Variants in CHP1 observed in about 807,000 individuals in gnomAD.
CHP1 encodes calcineurin like EF-hand protein 1, also known as calcineurin B homologous protein 1.
A neutral mutation model predicts 27.4 loss-of-function variants in CHP1; 11 were observed. The observed-to-expected ratio is 0.40, with a 90% confidence interval of 0.25 to 0.67. CHP1 has a LOEUF of 0.67. Among genes scored for constraint, CHP1 ranks in the 30% least tolerant of loss-of-function variants. The pLI is 0.38. For synonymous variants in CHP1, 89 were observed against 87.4 expected (o/e 1.02, Z -0.10); for missense variants, 169 against 251.3 (o/e 0.67, Z 2.22).
chr15:41,244,579 A>G (rs1202881647), intron 2 of CHP1, among the ~76,000 whole-genome samples: 1 of 152,166 alleles, frequency 6.6e-6, no homozygotes, highest in Non-Finnish European at 1.5e-5. Flanking sequence ...AATTGCCATG[A>G]CTGGAGAATG....
chr15:41,237,087 T>C (rs2047280933), intron 1 of CHP1, among the ~76,000 whole-genome samples: 1 of 151,660 alleles, frequency 6.6e-6, no homozygotes, highest in African/African-American at 2.4e-5. Flanking sequence ...CACTTCAGCC[T>C]CCCAAAGTGC....
At chr15:41,269,682 C>A (rs149169899) in intron 4 of CHP1, among the ~76,000 whole-genome samples, 1 of 152,174 alleles carries the variant, frequency 6.6e-6, no homozygotes, top group Non-Finnish European at 1.5e-5. Flanking sequence ...GAGTCTAAAT[C>A]CATGGATCTT....
At chr15:41,231,757 T>C (rs2047245066) in intron 1 of CHP1, among the ~76,000 whole-genome samples, 1 of 151,924 alleles carries the variant, frequency 6.6e-6, no homozygotes, top group Admixed American at 6.6e-5. Flanking sequence ...TTCTGTTGCC[T>C]CGCACCACCC....
chr15:41,244,207 A>C (rs907601439), intron 2 of CHP1, among the ~76,000 whole-genome samples: 1 of 151,592 alleles, frequency 6.6e-6, no homozygotes, highest in African/African-American at 2.4e-5. Context: ...AAAAAAAAAA[A>C]AAAAAACAGC....
In CHP1 at chr15:41,231,457, C is replaced by T. The variant is rs376158882; in HGVS notation, c.67+8C>T. On this transcript the variant is annotated splice_region_variant and intron_variant, in intron 1 of 6. Coordinates refer to ENST00000334660, the MANE Select transcript of CHP1 (RefSeq NM_007236.5). Reference sequence around the variant, plus strand: ...TCAAGAAGGAGACCGGCTGTGAGTTCGGGTTGGGGGTGGGAACGCCGGGCG... The same window carrying T: ...TCAAGAAGGAGACCGGCTGTGAGTTTGGGTTGGGGGTGGGAACGCCGGGCG... The T allele has an allele frequency of 3.9e-5, 62 of 1,597,770 alleles. No individual in the cohort carries two copies. Among genetic ancestry groups the T allele is most frequent in the African/African-American group, 3.1e-4 (23 of 74,722 alleles).
intron 3 of CHP1, among the ~76,000 whole-genome samples, chr15:41,260,225 AATTAT>A (rs1232319333): frequency 6.6e-6 from 1 of 151,776 alleles, no homozygotes; most frequent in Non-Finnish European, 1.5e-5. Context: ...TAGATAAATA[AATTAT>A]ATTATGTTAC....
chr15:41,271,468 A>G (rs1347966558), intron 5 of CHP1, among the ~76,000 whole-genome samples: 1 of 152,106 alleles, frequency 6.6e-6, no homozygotes, highest in African/African-American at 2.4e-5. Flanking sequence ...AAGCTAACTA[A>G]ATGGCTTTTA....
intron 2 of CHP1, among the ~76,000 whole-genome samples, chr15:41,245,536 A>T (rs1375290599): frequency 6.6e-6 from 1 of 152,232 alleles, no homozygotes; most frequent in African/African-American, 2.4e-5. Context: ...TTCATCCATG[A>T]TGTAGCATAT....
rs535911399 is a variant in CHP1 at position 41,271,846 on chromosome 15, A to G, written c.411+1228A>G. Among the ~76,000 whole-genome samples, 6 of 152,328 alleles carry G rather than the reference A, an allele frequency of 3.9e-5. No homozygotes were observed. In the South Asian group the frequency reaches 1.0e-3, roughly 26 times the overall value. ...TGAGTTGGGAATTTCTTCAGCGAGA[A>G]GCGTTTATTTTCTTGAAAGTTGCCA... On this transcript the variant is annotated intron_variant, in intron 5 of 6. Coordinates refer to ENST00000334660, the MANE Select transcript of CHP1 (RefSeq NM_007236.5).
At chr15:41,269,204 A>T (rs781516297) in intron 4 of CHP1, among the ~76,000 whole-genome samples, 2 of 152,150 alleles carry the variant, frequency 1.3e-5, no homozygotes, top group Non-Finnish European at 2.9e-5. Context: ...CCCTGTCTGA[A>T]AAAAATAAAT....
rs759773033 is a variant in CHP1 at position 41,231,445 on chromosome 15, C to T, written c.63C>T (p.Thr21=). 4 of 1,601,160 alleles carry T rather than the reference C, an allele frequency of 2.5e-6. No individual in the cohort carries two copies. In the Admixed American group the frequency reaches 5.3e-5, roughly 21 times the overall value. ...DEELEEIKKE[T]GFSHSQITRL... ...AGCTCGAGGAGATCAAGAAGGAGACCGGCTGTGAGTTCGGGTTGGGGGTGG... is the reference window on the plus strand; with the variant it reads ...AGCTCGAGGAGATCAAGAAGGAGACTGGCTGTGAGTTCGGGTTGGGGGTGG... The change falls in exon 1 of 7, where the codon ACC becomes ACT. Residue 21 remains threonine, a synonymous_variant. Coordinates refer to ENST00000334660, the MANE Select transcript of CHP1 (RefSeq NM_007236.5).
In CHP1 at chr15:41,281,814, C is replaced by T. The variant is rs1300759824; in HGVS notation, c.*2425C>T. On this transcript the variant is annotated 3_prime_UTR_variant, in exon 7 of 7. Transcript: ENST00000334660. ...TGGCTGTATAGCAAAGTGTTTTAAT[C>T]CACGGTTGTGCCTTATTGTTCCATT... is the stretch of plus-strand genomic sequence containing the variant. 1 of 152,570 alleles carries T rather than the reference C, an allele frequency of 6.6e-6. No homozygotes were observed. The highest frequency in any genetic ancestry group is 1.5e-5 in the Non-Finnish European group (1 of 68,032). The allele number at this position is 152,570 out of a possible 1,614,324, so 9.5% of individuals were successfully genotyped here. A position where few individuals can be genotyped will look rare whatever the true frequency, so the allele number is the denominator to read the frequency against.
At chr15:41,258,218 G>T (rs1024423424) in intron 3 of CHP1, among the ~76,000 whole-genome samples, 5 of 152,080 alleles carry the variant, frequency 3.3e-5, no homozygotes, top group Admixed American at 2.6e-4. Flanking sequence ...CTATTTCAGG[G>T]TAAGTTGCAT....
chr15:41,268,677 C>T (rs2047474034), intron 4 of CHP1, among the ~76,000 whole-genome samples: 1 of 141,498 alleles, frequency 7.1e-6, no homozygotes, highest in South Asian at 2.2e-4. Flanking sequence ...CGCGATGGCT[C>T]ACGCCTGTAA....
intron 2 of CHP1, among the ~76,000 whole-genome samples, chr15:41,245,788 C>T (rs187134006): frequency 6.6e-6 from 1 of 152,226 alleles, no homozygotes; most frequent in East Asian, 1.9e-4. Flanking sequence ...TTCTTTAAAG[C>T]ACAAAAGTTT....
At chr15:41,236,832 CT>C (rs112481886) in intron 1 of CHP1, among the ~76,000 whole-genome samples, 220 of 143,542 alleles carry the variant, frequency 1.5e-3, no homozygotes, top group African/African-American at 3.1e-3. Flanking sequence ...TTAATACTAT[CT>C]TTTTTTTTTT....
rs1033847120 is a variant in CHP1, at chr15:41,281,777, T to A, written c.*2388T>A. ...GCATAAAGTTCCTAAGGTTATAGAT[T>A]TTCCCCCCTTTTGGCTGTATAGCAA... On this transcript the variant is annotated 3_prime_UTR_variant, in exon 7 of 7. Transcript: ENST00000334660. 6.6e-6 allele frequency: 1 copy of A among 152,580 alleles called. No homozygotes were observed. Among genetic ancestry groups the A allele is most frequent in the African/African-American group, 2.4e-5 (1 of 41,448 alleles). The allele number at this position is 152,580 out of a possible 1,614,324, so 9.5% of individuals were successfully genotyped here.
chr15:41,271,974 G>A (rs1240594858), intron 5 of CHP1, among the ~76,000 whole-genome samples: 4 of 151,640 alleles, frequency 2.6e-5, no homozygotes, highest in Non-Finnish European at 4.4e-5. Flanking sequence ...TTATCCACCC[G>A]CCTCGGCCTC....
chr15:41,258,135 C>CATGTATGTATATACACATACACATAT (rs1567008315), intron 3 of CHP1, among the ~76,000 whole-genome samples: 4 of 151,884 alleles, frequency 2.6e-5, no homozygotes, highest in Non-Finnish European at 5.9e-5. Context: ...CATACACATA[C>CATGTATGTATATACACATACACATAT]ATACATGTAT....
Sources: gnomAD v4.1 joint callset for allele counts (sites outside exome capture counted in the v4.1 genomes callset) on GRCh38, gnomAD v4.1.1 for gene constraint, MANE v1.5 for transcripts, NCBI Gene and HGNC (gene_info 2026-07-23, HGNC 2026-07-21) for gene names.